The following ARID1B variants were observed in gnomAD, a reference collection of about 807,000 sequenced individuals.
ARID1B encodes the protein AT-rich interactive domain-containing protein 1B.
Under a neutral mutation model 212.3 loss-of-function variants are expected in ARID1B, and 30 were observed. The observed-to-expected ratio is 0.14, with a 90% confidence interval of 0.11 to 0.19. ARID1B has a LOEUF of 0.19. Among genes scored for constraint, ARID1B ranks in the 10% least tolerant of loss-of-function variants. The probability of loss-of-function intolerance (pLI) is 1.00; values close to 1 mark genes in which losing one functional copy is unlikely to be tolerated. For synonymous variants in ARID1B, 1,402 were observed against 1,301.7 expected (o/e 1.08, Z -1.66); for missense variants, 2,891 against 3,204.0 (o/e 0.90, Z 2.36).
At chr6:156,995,241 T>C (rs1778519736) in intron 4 of ARID1B, among the ~76,000 whole-genome samples, 1 of 152,242 alleles carries the variant, frequency 6.6e-6, no homozygotes, top group African/African-American at 2.4e-5. Flanking sequence ...TTCATTTTCT[T>C]TTCTTATTCA....
At chr6:156,993,916 G>A (rs955877993) in intron 4 of ARID1B, among the ~76,000 whole-genome samples, 10 of 152,250 alleles carry the variant, frequency 6.6e-5, no homozygotes, top group African/African-American at 2.2e-4. Flanking sequence ...TGCTGAATAG[G>A]TAATATAAAT....
At chr6:157,048,606 CT>C (rs1282869073) in intron 4 of ARID1B, among the ~76,000 whole-genome samples, 2 of 152,124 alleles carry the variant, frequency 1.3e-5, no homozygotes, top group Non-Finnish European at 2.9e-5. Flanking sequence ...TAGTGTGTTC[CT>C]GTGTATTGAA....
intron 5 of ARID1B, among the ~76,000 whole-genome samples, chr6:157,099,497 G>A (rs1785911288): frequency 6.6e-6 from 1 of 152,146 alleles, no homozygotes; most frequent in African/African-American, 2.4e-5. Context: ...TTATGAGGAG[G>A]ACCCATGCGA....
chr6:156,833,219 TA>T (rs924215966), intron 2 of ARID1B, among the ~76,000 whole-genome samples: 13 of 148,334 alleles, frequency 8.8e-5, no homozygotes, highest in South Asian at 4.3e-4. Context: ...TTTTTCAGAT[TA>T]AAAAAAAAAC....
intron 2 of ARID1B, among the ~76,000 whole-genome samples, chr6:156,898,891 A>C (rs896459428): frequency 1.3e-5 from 2 of 152,170 alleles, no homozygotes; most frequent in South Asian, 4.1e-4. Flanking sequence ...GAATCGTTTG[A>C]ACCCAGGAGG....
chr6:157,202,789 TGTATTTATATGGG>T (rs1794194961), intron 18 of ARID1B, among the ~76,000 whole-genome samples: 2 of 150,774 alleles, frequency 1.3e-5, no homozygotes, highest in South Asian at 4.2e-4. Context: ...TGTGTGTGTG[TGTATTTATATGGG>T]GTTGCAGAGG....
chr6:157,020,616 GCTTGGTCATTT>G (rs1237044507), intron 4 of ARID1B, among the ~76,000 whole-genome samples: 1 of 152,006 alleles, frequency 6.6e-6, no homozygotes, highest in Non-Finnish European at 1.5e-5. Context: ...CAACAGCCTA[GCTTGGTCATTT>G]CTCCTACTCA....
intron 1 of ARID1B, among the ~76,000 whole-genome samples, chr6:156,790,855 G>C (rs1326987454): frequency 1.3e-5 from 2 of 152,188 alleles, no homozygotes; most frequent in Non-Finnish European, 2.9e-5. Context: ...GGAGACACAA[G>C]CACTTAGAAG....
At chr6:157,073,948 G>A (rs1245520796) in intron 4 of ARID1B, among the ~76,000 whole-genome samples, 5 of 152,138 alleles carry the variant, frequency 3.3e-5, no homozygotes, top group South Asian at 2.1e-4. Context: ...AGTGGAGGCC[G>A]GTAGGGTTTG....
intron 4 of ARID1B, among the ~76,000 whole-genome samples, chr6:156,964,581 A>G (rs1794614949): frequency 6.6e-6 from 1 of 152,220 alleles, no homozygotes; most frequent in Non-Finnish European, 1.5e-5. Flanking sequence ...CGTATACTCA[A>G]GGCCATAGAA....
intron 4 of ARID1B, among the ~76,000 whole-genome samples, chr6:156,988,482 C>T (rs1180665618): frequency 6.6e-6 from 1 of 152,162 alleles, no homozygotes; most frequent in Admixed American, 6.5e-5. Flanking sequence ...GAGTCCTTCT[C>T]TGGCTTCTCC....
At chr6:157,090,945 TGCCTGGGGTAGCCGCCTCCC>T (rs954551951) in intron 5 of ARID1B, among the ~76,000 whole-genome samples, 5 of 152,146 alleles carry the variant, frequency 3.3e-5, no homozygotes, top group Non-Finnish European at 7.4e-5. Flanking sequence ...GTGTGCCTCC[TGCCTGGGGTAGCCGCCTCCC>T]GCCTGGGGTA....
chr6:157,142,848 A>G (rs1789475648), intron 7 of ARID1B, among the ~76,000 whole-genome samples: 1 of 151,948 alleles, frequency 6.6e-6, no homozygotes, highest in Admixed American at 6.6e-5. Context: ...CCTCCATCAT[A>G]TAGGGAATGA....
At chr6:157,105,018 G>A (rs1371340377) in intron 5 of ARID1B, among the ~76,000 whole-genome samples, 1 of 152,168 alleles carries the variant, frequency 6.6e-6, no homozygotes, top group African/African-American at 2.4e-5. Context: ...GAACAGAAGA[G>A]GAAGTCCAGA....
chr6:156,904,026 A>C (rs1456714837), intron 3 of ARID1B, among the ~76,000 whole-genome samples: 1 of 152,218 alleles, frequency 6.6e-6, no homozygotes, highest in East Asian at 1.9e-4. Context: ...TGAAAAAATA[A>C]AAAGTACAAG....
At chr6:157,058,873 A>G (rs1219590905) in intron 4 of ARID1B, among the ~76,000 whole-genome samples, 1 of 152,186 alleles carries the variant, frequency 6.6e-6, no homozygotes, top group Non-Finnish European at 1.5e-5. Flanking sequence ...TGGGGTGATC[A>G]GGCATTGAAG....
rs950568878 is a variant in ARID1B, at chr6:157,094,191, C to CA, written c.2491+9289dup. ...ATCCAGGCAGAGAACGGAGCAAACTCAAAGGCCCTGAGTTAGTATTGTGCT... is the reference window on the plus strand; with the variant it reads ...ATCCAGGCAGAGAACGGAGCAAACTCAAAAGGCCCTGAGTTAGTATTGTGCT... On this transcript the variant is annotated intron_variant, in intron 5 of 19. Transcript: ENST00000636930. The surrounding 1 kb of genome is among the most constrained non-coding windows in gnomAD (Gnocchi z 4.3). 9.9e-5 allele frequency among the ~76,000 whole-genome samples: 15 copies of CA among 152,118 alleles called. No individual in the cohort carries two copies. Among genetic ancestry groups the CA allele is most frequent in the Non-Finnish European group, 7.4e-5 (5 of 68,026 alleles).
In ARID1B at chr6:156,778,933, G is replaced by C. The variant is rs1361803414; in HGVS notation, c.1253G>C (p.Gly418Ala). 6.9e-6 allele frequency: 9 copies of C among 1,307,962 alleles called. No individual in the cohort carries two copies. Among genetic ancestry groups the C allele is most frequent in the Non-Finnish European group, 7.7e-6 (8 of 1,036,128 alleles). The allele number at this position is 1,307,962 out of a possible 1,614,324, so 81.0% of individuals were successfully genotyped here. A position where few individuals can be genotyped will look rare whatever the true frequency, so the allele number is the denominator to read the frequency against. ...GGGGAGAGGA[G>A]AGAVAAAAAA... ...GGAGGAGCAGGAGCAGGAGGAGCAG[G>C]AGCGGGAGCTGTGGCGGCGGCGGCC... is the stretch of plus-strand genomic sequence containing the variant. Residue 418 changes from glycine (G) to alanine (A), a missense_variant, in exon 1 of 20, where the codon GGA becomes GCA. Transcript: ENST00000636930.
At chr6:156,852,125 T>A in intron 2 of ARID1B, among the ~76,000 whole-genome samples, 1 of 152,116 alleles carries the variant, frequency 6.6e-6, no homozygotes, top group East Asian at 1.9e-4. Flanking sequence ...TTAGTTTGTT[T>A]CTGTGTTTAA....
Sources: gnomAD v4.1 joint callset for allele counts (sites outside exome capture counted in the v4.1 genomes callset) on GRCh38, gnomAD v4.1.1 for gene constraint, Gnocchi (gnomAD v3.1) non-coding constraint, MANE v1.5 for transcripts, NCBI Gene and HGNC (gene_info 2026-07-23, HGNC 2026-07-21) for gene names.